ZSCAN32: variants seen among roughly 807,000 people sequenced by gnomAD.
The protein encoded by ZSCAN32 is zinc finger and SCAN domain containing 32.
In ZSCAN32, 52 loss-of-function variants were observed where a neutral mutation model predicts 47.4. That is an observed-to-expected ratio of 1.10 (90% confidence interval 0.88 to 1.38). The LOEUF (loss-of-function observed/expected upper bound fraction) is 1.38, where lower values mean the gene tolerates loss of function less well. ZSCAN32 is among the 40% of genes most tolerant of loss of function. The pLI is 0.00. For synonymous variants in ZSCAN32, 346 were observed against 305.7 expected (o/e 1.13, Z -1.38); for missense variants, 959 against 846.0 (o/e 1.13, Z -1.66).
At chr16:3,400,354 C>T (rs1050328513) in intron 1 of ZSCAN32, among the ~76,000 whole-genome samples, 1 of 152,156 alleles carries the variant, frequency 6.6e-6, no homozygotes, top group Non-Finnish European at 1.5e-5. Flanking sequence ...AACCAGCACC[C>T]CTTGCCTTCA....
intron 1 of ZSCAN32, among the ~76,000 whole-genome samples, chr16:3,398,932 G>C (rs115445780): frequency 6.6e-6 from 1 of 152,112 alleles, no homozygotes; most frequent in African/African-American, 2.4e-5. Flanking sequence ...TTGTGAAAAA[G>C]TCCCCCTCGA....
rs1261981267 is a variant in ZSCAN32 at position 3,383,038 on chromosome 16, T to C, written c.1908A>G (p.Ala636=). 1 of 1,614,114 alleles carries C rather than the reference T, an allele frequency of 6.2e-7. No individual in the cohort carries two copies. The highest frequency in any genetic ancestry group is 8.5e-7 in the Non-Finnish European group (1 of 1,180,000). ...TATTGTTGAAGATTTTCCCACACAC[T>C]GCACACTTGTATGGGCTCTCCCCAG... The part of the protein sequence containing the change: ...IHTGESPYKC[A]VCGKIFNNSS... Residue 636 remains alanine (A), a synonymous_variant, in exon 7 of 7, where the codon GCA becomes GCG. Transcript: ENST00000396852.
At chr16:3,399,138 G>A (rs144119134) in intron 1 of ZSCAN32, among the ~76,000 whole-genome samples, 6,697 of 152,212 alleles carry the variant, frequency 0.044, 200 homozygotes, top group Middle Eastern at 0.061. Context: ...CAGGAGAATC[G>A]CTTGAACCCG....
At chr16:3,390,365 G>A in intron 4 of ZSCAN32, 58 bp downstream of exon 4, 4 of 1,461,938 alleles carry the variant, frequency 2.7e-6, no homozygotes, top group Non-Finnish European at 2.8e-6. Context: ...TGGAAAGGAG[G>A]AGGGTTTTGG....
intron 5 of ZSCAN32, among the ~76,000 whole-genome samples, chr16:3,388,325 C>T (rs1295162408): frequency 1.3e-5 from 2 of 152,156 alleles, no homozygotes; most frequent in East Asian, 3.9e-4. Flanking sequence ...CTGCATAGCT[C>T]ATCCCTCCTC....
At chr16:3,383,799 A>G in intron 6 of ZSCAN32, 88 bp from the exon 7 acceptor site, 1 of 1,308,018 alleles carries the variant, frequency 7.6e-7, no homozygotes. Flanking sequence ...TACGTAGAAG[A>G]AATATCTAAT....
intron 2 of ZSCAN32, among the ~76,000 whole-genome samples, chr16:3,396,499 A>C (rs551059227): frequency 6.6e-6 from 1 of 152,132 alleles, no homozygotes; most frequent in Non-Finnish European, 1.5e-5. Flanking sequence ...AGACCCACTC[A>C]GGCTGACCAA....
rs2031984917 is a variant in ZSCAN32 at position 3,386,321 on chromosome 16, G to C, written c.752-1380C>G. 5.3e-5 allele frequency among the ~76,000 whole-genome samples: 8 copies of C among 152,116 alleles called. No homozygotes were observed. In the South Asian group the frequency reaches 1.7e-3, roughly 32 times the overall value. ...TGCTGGAGAGGATGTGGAGAAATAG[G>C]AACACTTTTACACTGTTGGTGGGAC... On this transcript the variant is annotated intron_variant, in intron 5 of 6. Coordinates refer to ENST00000396852, the MANE Select transcript of ZSCAN32 (RefSeq NM_001284527.2).
chr16:3,384,227 A>C (rs962970864), intron 6 of ZSCAN32: 2 of 612,224 alleles, frequency 3.3e-6, no homozygotes, highest in Non-Finnish European at 5.7e-6. Context: ...GTGAAACTCC[A>C]TGGGAAAAGA....
Position 3,383,638 on chromosome 16 carries a change from C to T in ZSCAN32, c.1308G>A (p.Lys436=). 1 of 1,612,352 alleles carries T rather than the reference C, an allele frequency of 6.2e-7. No individual in the cohort carries two copies. The highest frequency in any genetic ancestry group is 8.5e-7 in the Non-Finnish European group (1 of 1,179,940). The stretch of plus-strand genomic sequence containing the variant: ...CTCCTCTGGACTTTCTCTGTAAAGC[C>T]TTGTTTATTTCTACTTCCTCTGAAT... ...WDDSEEVEIN[K]ALQRKSRGVY... Residue 436 remains lysine, a synonymous_variant, in exon 7 of 7, where the codon AAG becomes AAA. Coordinates refer to ENST00000396852, the MANE Select transcript of ZSCAN32 (RefSeq NM_001284527.2).
rs1186860712 is a variant in ZSCAN32, at chr16:3,383,602, G to C, written c.1344C>G (p.His448Gln). The change falls in exon 7 of 7, where the codon CAC becomes CAG. Residue 448 changes from histidine (H) to glutamine (Q), a missense_variant. Physicochemically the swap from His to Gln is conservative, Grantham distance 24 (BLOSUM62 0). Coordinates refer to ENST00000396852, the MANE Select transcript of ZSCAN32 (RefSeq NM_001284527.2). ...TCTCCAAGCCTTTTTGTAGCTCAGAGTGCCAATAAACTCCTCTGGACTTTC... is the reference window on the plus strand; with the variant it reads ...TCTCCAAGCCTTTTTGTAGCTCAGACTGCCAATAAACTCCTCTGGACTTTC... Reference protein sequence around the residue: ...LQRKSRGVYWHSELQKGLESE... With the variant: ...LQRKSRGVYWQSELQKGLESE... The C allele has an allele frequency of 6.2e-7, 1 of 1,613,742 alleles. No homozygotes were observed.
chr16:3,390,500 C>G lies in ZSCAN32; in HGVS notation c.550G>C (p.Ala184Pro), dbSNP rs117689911. ...GTGTTTTGAGGCAGGTTCCTGGGAG[C>G]CTGAGGAGCAAGCCAGGCTGGGGGA... ...EQSEAWLAPQ[A>P]PRNLPQNTGL... The change falls in exon 4 of 7, where the codon GCT becomes CCT. Residue 184 changes from alanine (A) to proline (P), a missense_variant. By Grantham distance (27) the Ala-to-Pro change is conservative. Coordinates refer to ENST00000396852, the MANE Select transcript of ZSCAN32 (RefSeq NM_001284527.2). 1 of 1,548,958 alleles carries G rather than the reference C, an allele frequency of 6.5e-7. No homozygotes were observed. Among genetic ancestry groups the G allele is most frequent in the East Asian group, 2.4e-5 (1 of 40,922 alleles).
chr16:3,390,385 G>T, intron 4 of ZSCAN32, 38 bp downstream of exon 4: 1 of 1,505,980 alleles, frequency 6.6e-7, no homozygotes, highest in South Asian at 1.2e-5. Context: ...GGGTGAGAGT[G>T]GGTACTCAAG....
At position 3,383,435 on chromosome 16, in the gene ZSCAN32, G is replaced by C. The variant is rs758354568; in HGVS notation, c.1511C>G (p.Ser504Cys). 6.2e-7 allele frequency: 1 copy of C among 1,614,176 alleles called. No homozygotes were observed. Among genetic ancestry groups the C allele is most frequent in the South Asian group, 1.1e-5 (1 of 91,078 alleles). The change falls in exon 7 of 7, where the codon TCT (serine) becomes TGT (cysteine). Residue 504 changes from serine (S) to cysteine (C), a missense_variant. Coordinates refer to ENST00000396852, the MANE Select transcript of ZSCAN32 (RefSeq NM_001284527.2). ...CTTGTGGGGAGAGTGCACACTCTGA[G>C]AGCAGTTTTTCCCACAGAGGATATG... ...CTHILCGKNC[S>C]QSVHSPHKPA...
chr16:3,400,769 G>A (rs2033826417), intron 1 of ZSCAN32, among the ~76,000 whole-genome samples, 176 bp downstream of exon 1: 2 of 152,004 alleles, frequency 1.3e-5, no homozygotes, highest in South Asian at 4.1e-4. Flanking sequence ...AGCGGGGCAC[G>A]GTGATCGCGG....
intron 5 of ZSCAN32, among the ~76,000 whole-genome samples, chr16:3,387,785 A>G (rs1294653967): frequency 6.6e-6 from 1 of 152,242 alleles, no homozygotes; most frequent in Non-Finnish European, 1.5e-5. Context: ...CTGAGTGCCT[A>G]CAATGCCAGT....
chr16:3,382,540 T>C lies in ZSCAN32; in HGVS notation c.*312A>G, dbSNP rs1314005053. On this transcript the variant is annotated 3_prime_UTR_variant, in exon 7 of 7. Coordinates refer to ENST00000396852, the MANE Select transcript of ZSCAN32 (RefSeq NM_001284527.2). ...GTGAGGACTATGTTAGCCCAGAAAG[T>C]GTTCTTGGACCACTGGGTGCCCATT... is the stretch of plus-strand genomic sequence containing the variant. The C allele has an allele frequency of 4.3e-6, 1 of 231,262 alleles. No individual in the cohort carries two copies. The highest frequency in any genetic ancestry group is 8.4e-6 in the Non-Finnish European group (1 of 119,360). The allele number at this position is 231,262 out of a possible 1,614,324, so 14.3% of individuals were successfully genotyped here.
chr16:3,395,947 G>A (rs888162447), intron 2 of ZSCAN32, among the ~76,000 whole-genome samples: 3 of 152,286 alleles, frequency 2.0e-5, no homozygotes, highest in East Asian at 1.9e-4. Context: ...GCAGTGAGCC[G>A]CATTCATGCC....
chr16:3,383,866 T>C, intron 6 of ZSCAN32, 155 bp from the exon 7 acceptor site: 1 of 927,934 alleles, frequency 1.1e-6, no homozygotes, highest in Non-Finnish European at 1.5e-6. Flanking sequence ...ATTTTCTCAT[T>C]GTAATATTTT....
Sources: allele counts gnomAD v4.1 joint callset (sites outside exome capture counted in the v4.1 genomes callset), GRCh38; gene constraint gnomAD v4.1.1; transcripts MANE v1.5; gene names NCBI Gene and HGNC (gene_info 2026-07-23, HGNC 2026-07-21).